The following MAML2 variants were observed in gnomAD, a reference collection of about 807,000 sequenced individuals.
MAML2 encodes mastermind like transcriptional coactivator 2.
Under a neutral mutation model 96.1 loss-of-function variants are expected in MAML2, and 22 were observed. The ratio of observed to expected loss-of-function variants is 0.23; its 90% CI spans 0.16 to 0.33. The LOEUF (loss-of-function observed/expected upper bound fraction) is 0.33. Ranked by LOEUF, MAML2 falls within the 10% of genes least tolerant of loss-of-function variation. The probability of loss-of-function intolerance (pLI) is 1.00; values close to 1 mark genes in which losing one functional copy is unlikely to be tolerated. For synonymous variants in MAML2, 561 were observed against 521.3 expected, an observed-to-expected ratio of 1.08 and a Z score of -1.04; for missense variants, 1,367 against 1,392.4, an observed-to-expected ratio of 0.98 and a Z score of 0.29.
chr11:96,123,666 C>G (rs1201875031), intron 1 of MAML2, among the ~76,000 whole-genome samples: 1 of 152,108 alleles, frequency 6.6e-6, no homozygotes. Flanking sequence ...AGGTAGGAAA[C>G]AAGGGAATTA....
At chr11:96,066,272 T>C (rs1859244621) in intron 2 of MAML2, among the ~76,000 whole-genome samples, 1 of 152,194 alleles carries the variant, frequency 6.6e-6, no homozygotes, top group African/African-American at 2.4e-5. Context: ...AATAGTGTCA[T>C]CGTGTTAAAT....
At chr11:96,287,622 A>G (rs1028008870) in intron 1 of MAML2, among the ~76,000 whole-genome samples, 1 of 152,220 alleles carries the variant, frequency 6.6e-6, no homozygotes, top group Non-Finnish European at 1.5e-5. Context: ...GGTAAATACA[A>G]TATTTATTTG....
intron 2 of MAML2, among the ~76,000 whole-genome samples, chr11:95,994,033 T>C (rs2135712017): frequency 6.6e-6 from 1 of 152,242 alleles, no homozygotes. Flanking sequence ...ACCCCACAAC[T>C]CTAGTTCTCA....
chr11:96,026,609 C>T (rs758002185), intron 2 of MAML2, among the ~76,000 whole-genome samples: 18 of 152,086 alleles, frequency 1.2e-4, no homozygotes, highest in Non-Finnish European at 1.8e-4. Context: ...ACCCTCTCTA[C>T]AGGGTTTCCT....
chr11:96,300,080 A>G (rs1863366020), intron 1 of MAML2, among the ~76,000 whole-genome samples: 1 of 152,142 alleles, frequency 6.6e-6, no homozygotes, highest in Admixed American at 6.5e-5. Flanking sequence ...AGAGTAAGGA[A>G]ATTGGGAGGG....
At chr11:96,206,348 A>G (rs1051692933) in intron 1 of MAML2, among the ~76,000 whole-genome samples, 29 of 152,240 alleles carry the variant, frequency 1.9e-4, no homozygotes, top group African/African-American at 7.0e-4. Context: ...CTGTAATCCC[A>G]GCACTTTGGG....
At chr11:96,328,269 G>A (rs1863811613) in intron 1 of MAML2, among the ~76,000 whole-genome samples, 1 of 152,084 alleles carries the variant, frequency 6.6e-6, no homozygotes. Flanking sequence ...AAGCCATGTT[G>A]CATAACACCA....
intron 1 of MAML2, among the ~76,000 whole-genome samples, chr11:96,279,047 A>C (rs75182632): frequency 0.012 from 1,789 of 152,284 alleles, 29 homozygotes; most frequent in African/African-American, 0.04. Context: ...AGAGGGAGGA[A>C]TCCATGAGAA....
At chr11:96,150,201 A>C (rs192471588) in intron 1 of MAML2, among the ~76,000 whole-genome samples, 25 of 152,362 alleles carry the variant, frequency 1.6e-4, no homozygotes, top group Admixed American at 1.6e-3. Flanking sequence ...CATACATCAA[A>C]CATTTACTGA....
intron 2 of MAML2, among the ~76,000 whole-genome samples, chr11:96,025,778 G>C (rs972630949): frequency 6.6e-6 from 1 of 151,880 alleles, no homozygotes; most frequent in East Asian, 1.9e-4. Context: ...GGCCAGGATC[G>C]TCTCAATCTT....
intron 1 of MAML2, among the ~76,000 whole-genome samples, chr11:96,325,276 T>C (rs1319196170): frequency 6.6e-6 from 1 of 152,200 alleles, no homozygotes; most frequent in Admixed American, 6.5e-5. Flanking sequence ...GGTAGACTGA[T>C]GCTTACTAGT....
chr11:96,298,768 C>T (rs906567545), intron 1 of MAML2, among the ~76,000 whole-genome samples: 5 of 146,768 alleles, frequency 3.4e-5, no homozygotes, highest in African/African-American at 7.4e-5. Flanking sequence ...CTAGGCCGGG[C>T]GCAGTGGCTC....
In MAML2 at chr11:96,100,239, G is replaced by A. The variant is rs192800464; in HGVS notation, c.514-6722C>T. On this transcript the variant is annotated intron_variant, in intron 1 of 4. Coordinates refer to ENST00000524717, the MANE Select transcript of MAML2 (RefSeq NM_032427.4). ...TACTTTCACTCCTTCAAGAAAACATGTGAGGTGTTTTTGTTTGTTTGTTGT... is the reference window on the plus strand; with the variant it reads ...TACTTTCACTCCTTCAAGAAAACATATGAGGTGTTTTTGTTTGTTTGTTGT... Among the ~76,000 whole-genome samples, 4 of 152,168 alleles carry A rather than the reference G, an allele frequency of 2.6e-5. No individual in the cohort carries two copies. The East Asian group carries it at 5.8e-4, about 22-fold the overall frequency.
At chr11:96,009,449 A>G (rs1254432063) in intron 2 of MAML2, among the ~76,000 whole-genome samples, 3 of 152,152 alleles carry the variant, frequency 2.0e-5, no homozygotes, top group African/African-American at 7.2e-5. Context: ...TCTTTTTTAT[A>G]TATAGGGAAA....
intron 2 of MAML2, among the ~76,000 whole-genome samples, chr11:96,066,559 T>C (rs915360687): frequency 1.3e-5 from 2 of 152,210 alleles, no homozygotes; most frequent in Non-Finnish European, 2.9e-5. Flanking sequence ...TTTCCTTGGA[T>C]AAGAGTTTAG....
At chr11:96,045,390 G>A (rs1371484074) in intron 2 of MAML2, among the ~76,000 whole-genome samples, 2 of 152,152 alleles carry the variant, frequency 1.3e-5, no homozygotes, top group East Asian at 3.8e-4. Flanking sequence ...TGGCAGAGGG[G>A]AGTTCACCTC....
chr11:96,298,917 C>T (rs922936763), intron 1 of MAML2, among the ~76,000 whole-genome samples: 2 of 145,752 alleles, frequency 1.4e-5, no homozygotes, highest in South Asian at 2.1e-4. Flanking sequence ...TGGTGGCGGG[C>T]GCCTGTAGTC....
chr11:96,188,537 T>G (rs932715758), intron 1 of MAML2, among the ~76,000 whole-genome samples: 3 of 152,188 alleles, frequency 2.0e-5, no homozygotes, highest in Non-Finnish European at 2.9e-5. Context: ...GTCCCTATTA[T>G]GGCAAGTACA....
chr11:96,268,660 C>T (rs1366593489), intron 1 of MAML2, among the ~76,000 whole-genome samples: 1 of 152,038 alleles, frequency 6.6e-6, no homozygotes, highest in Non-Finnish European at 1.5e-5. Context: ...TGGGAGGGAC[C>T]CAGTGGGAGG....
Sources: allele counts gnomAD v4.1 joint callset (sites outside exome capture counted in the v4.1 genomes callset), GRCh38; gene constraint gnomAD v4.1.1; transcripts MANE v1.5; gene names NCBI Gene and HGNC (gene_info 2026-07-23, HGNC 2026-07-21).